The following NAGLU variants were observed in gnomAD, a reference collection of about 807,000 sequenced individuals.
NAGLU encodes the protein N-acetyl-alpha-glucosaminidase, also known as alpha-N-acetylglucosaminidase.
Under a neutral mutation model 43.4 loss-of-function variants are expected in NAGLU, and 34 were observed. The ratio of observed to expected loss-of-function variants is 0.78; its 90% CI spans 0.60 to 1.04. The LOEUF (loss-of-function observed/expected upper bound fraction) is 1.04. NAGLU is among the 50% of genes least tolerant of loss of function. NAGLU has a pLI of 0.00. For missense variants in NAGLU, 910 were observed against 993.7 expected (o/e 0.92, Z 1.13); for synonymous variants, 425 against 437.6 (o/e 0.97, Z 0.36).
intron 1 of NAGLU, 129 bp downstream of exon 1, chr17:42,536,784 G>T (rs968490496): frequency 8.2e-6 from 11 of 1,337,364 alleles, no homozygotes; most frequent in Middle Eastern, 2.8e-4. Context: ...TCCAGCAGCT[G>T]TGTGGCCTTG....
At position 42,538,630 on chromosome 17, in the gene NAGLU, G is replaced by C. The variant is rs767506970; in HGVS notation, c.679-40G>C. 7.4e-6 allele frequency: 12 copies of C among 1,613,086 alleles called. No individual in the cohort carries two copies. In the African/African-American group the frequency reaches 1.3e-4, roughly 18 times the overall value. ...GAGATGAGGGCCTTCTCATAGGACA[G>C]CAGTGGCCATGCTCACCACCCTTCC... On this transcript the variant is annotated intron_variant, in intron 3 of 5. Transcript: ENST00000225927.
Position 42,536,490 on chromosome 17 carries a change from C to A in NAGLU, c.218C>A (p.Ala73Glu). Residue 73 changes from alanine to glutamate, a missense_variant, in exon 1 of 6, where the codon GCG (alanine) becomes GAG (glutamate). Ala to Glu is a moderately radical substitution (Grantham distance 107). Coordinates refer to ENST00000225927, the MANE Select transcript of NAGLU (RefSeq NM_000263.4). ...DTYSLGGGGAARVRVRGSTGV... is the reference protein window; with the variant it reads ...DTYSLGGGGAERVRVRGSTGV... The stretch of plus-strand genomic sequence containing the variant: ...TACAGCCTGGGCGGCGGCGGCGCGG[C>A]GCGCGTGCGGGTGCGCGGCTCCACG... 1 of 1,223,014 alleles carries A rather than the reference C, an allele frequency of 8.2e-7. No homozygotes were observed. The highest frequency in any genetic ancestry group is 1.0e-6 in the Non-Finnish European group (1 of 984,918). The allele number at this position is 1,223,014 out of a possible 1,614,324, so 75.8% of individuals were successfully genotyped here.
In NAGLU at chr17:42,544,002, T is replaced by C. The variant is rs1397893429; in HGVS notation, c.1996T>C (p.Leu666=). ...CTATGCCAACAAGCAGCTGGCGGGG[T>C]TGGTGGCCAACTACTACACCCCTCG... ...LDYANKQLAG[L]VANYYTPRWR... The change falls in exon 6 of 6, where the codon TTG becomes CTG. Residue 666 remains leucine, a synonymous_variant. Transcript: ENST00000225927. 3.7e-6 allele frequency: 6 copies of C among 1,610,218 alleles called. No individual in the cohort carries two copies. The highest frequency in any genetic ancestry group is 5.1e-6 in the Non-Finnish European group (6 of 1,178,420).
At position 42,541,079 on chromosome 17, in the gene NAGLU, G is replaced by A. The variant is rs746626709; in HGVS notation, c.894G>A (p.Glu298=). Residue 298 remains glutamate, a synonymous_variant, in exon 5 of 6, where the codon GAG becomes GAA. Coordinates refer to ENST00000225927, the MANE Select transcript of NAGLU (RefSeq NM_000263.4). ...TCATCGGGAGCCTCTTCCTGCGAGA[G>A]CTGATCAAAGAGTTTGGCACAGACC... ...FPIIGSLFLR[E]LIKEFGTDHI... The A allele has an allele frequency of 5.0e-6, 8 of 1,614,018 alleles. No individual in the cohort carries two copies. The highest frequency in any genetic ancestry group is 1.7e-5 in the Admixed American group (1 of 59,990).
intron 5 of NAGLU, among the ~76,000 whole-genome samples, chr17:42,542,471 T>C (rs2092923839): frequency 6.6e-6 from 1 of 152,044 alleles, no homozygotes; most frequent in African/African-American, 2.4e-5. Flanking sequence ...GTACTGGTAT[T>C]ACAGGCGTGA....
chr17:42,536,948 C>T, intron 1 of NAGLU: 1 of 545,628 alleles, frequency 1.8e-6, no homozygotes, highest in Non-Finnish European at 3.0e-6. Context: ...TTGCCTTCCT[C>T]CCCCACCTTC....
chr17:42,541,823 A>G (rs1259529112), intron 5 of NAGLU, among the ~76,000 whole-genome samples: 1 of 152,118 alleles, frequency 6.6e-6, no homozygotes, highest in Non-Finnish European at 1.5e-5. Flanking sequence ...TGTGACCCAA[A>G]ACCAGCAGCA....
At chr17:42,537,220 C>T (rs2092908783) in intron 1 of NAGLU, 178 bp from the exon 2 acceptor site, 2 of 888,926 alleles carry the variant, frequency 2.2e-6, no homozygotes, top group Admixed American at 4.2e-5. Context: ...GGACGAGTGC[C>T]TCAGAAGCCC....
Position 42,537,506 on chromosome 17 carries a change from G to T in NAGLU, c.492G>T (p.Leu164=). The change falls in exon 2 of 6, where the codon CTG becomes CTT. Residue 164 remains leucine (L), a synonymous_variant. Transcript: ENST00000225927. ...IDWMALNGIN[L]ALAWSGQEAI... The stretch of plus-strand genomic sequence containing the variant: ...GGATGGCGCTGAATGGCATCAACCT[G>T]GCACTGGCCTGGAGCGGCCAGGAGG... The T allele has an allele frequency of 6.2e-7, 1 of 1,614,198 alleles. No homozygotes were observed. The highest frequency in any genetic ancestry group is 1.1e-5 in the South Asian group (1 of 91,082).
At chr17:42,538,576 AC>A (rs2092913399) in intron 3 of NAGLU, 91 bp downstream of exon 3, 1 of 1,612,342 alleles carries the variant, frequency 6.2e-7, no homozygotes, top group Non-Finnish European at 8.5e-7. Context: ...AGGGCTCTTA[AC>A]TGAGGCGGGG....
intron 4 of NAGLU, among the ~76,000 whole-genome samples, chr17:42,540,726 G>A (rs1159817070): frequency 1.3e-5 from 2 of 151,306 alleles, no homozygotes; most frequent in Non-Finnish European, 2.9e-5. Flanking sequence ...AGAAAAAGGA[G>A]CGTTGCTTGT....
chr17:42,543,699 C>T lies in NAGLU; in HGVS notation c.1693C>T (p.Arg565Trp), dbSNP rs104894597. 60 of 1,612,476 alleles carry T rather than the reference C, an allele frequency of 3.7e-5. No individual in the cohort carries two copies. The highest frequency in any genetic ancestry group is 8.9e-5 in the East Asian group (4 of 44,898). The part of the protein sequence containing the change: ...AFRYDLLDLT[R>W]QAVQELVSLY... ...CCGCTACGACCTGCTGGACCTCACT[C>T]GGCAGGCAGTGCAGGAGCTGGTCAG... Residue 565 changes from arginine (R) to tryptophan (W), a missense_variant, in exon 6 of 6, where the codon CGG becomes TGG. Transcript: ENST00000225927.
Position 42,538,445 on chromosome 17 carries a change from C to T in NAGLU, c.638C>T (p.Pro213Leu). The T allele has an allele frequency of 1.9e-6, 3 of 1,614,148 alleles. No individual in the cohort carries two copies. The highest frequency in any genetic ancestry group is 1.1e-5 in the South Asian group (1 of 91,090). Reference sequence around the variant, plus strand: ...GGCAACCTGCACACCTGGGATGGCCCCCTGCCCCCCTCCTGGCACATCAAG... The same window carrying T: ...GGCAACCTGCACACCTGGGATGGCCTCCTGCCCCCCTCCTGGCACATCAAG... ...RMGNLHTWDG[P>L]LPPSWHIKQL... The change falls in exon 3 of 6, where the codon CCC (proline) becomes CTC (leucine). Residue 213 changes from proline to leucine, a missense_variant. Physicochemically the swap from Pro to Leu is moderately conservative, Grantham distance 98. Coordinates refer to ENST00000225927, the MANE Select transcript of NAGLU (RefSeq NM_000263.4).
chr17:42,541,154 G>A lies in NAGLU; in HGVS notation c.969G>A (p.Glu323=), dbSNP rs1474272372. ...TFNEMQPPSS[E]PSYLAAATTA... Reference sequence around the variant, plus strand: ...ATGAGATGCAGCCACCTTCCTCAGAGCCCTCCTACCTTGCCGCAGCCACCA... The same window carrying A: ...ATGAGATGCAGCCACCTTCCTCAGAACCCTCCTACCTTGCCGCAGCCACCA... The change falls in exon 5 of 6, where the codon GAG becomes GAA. Residue 323 remains glutamate (E), a synonymous_variant. Transcript: ENST00000225927. 1.9e-6 allele frequency: 3 copies of A among 1,613,764 alleles called. No individual in the cohort carries two copies. The highest frequency in any genetic ancestry group is 2.5e-6 in the Non-Finnish European group (3 of 1,180,028).
At position 42,536,425 on chromosome 17, in the gene NAGLU, G is replaced by C. The variant is rs2143076082; in HGVS notation, c.153G>C (p.Ser51=). The C allele has an allele frequency of 8.0e-7, 1 of 1,251,584 alleles. No homozygotes were observed. Among genetic ancestry groups the C allele is most frequent in the East Asian group, 4.0e-5 (1 of 24,736 alleles). The allele number at this position is 1,251,584 out of a possible 1,614,324, so 77.5% of individuals were successfully genotyped here. The change falls in exon 1 of 6, where the codon TCG becomes TCC. Residue 51 remains serine, a synonymous_variant. Transcript: ENST00000225927. ...GPGPAADFSV[S]VERALAAKPG... is the part of the protein sequence containing the mutation. ...GCCCCGCGGCCGACTTCTCCGTGTC[G>C]GTGGAGCGCGCTCTGGCTGCCAAGC... is the stretch of plus-strand genomic sequence containing the variant.
At position 42,537,450 on chromosome 17, in the gene NAGLU, G is replaced by A. The variant is rs907257030; in HGVS notation, c.436G>A (p.Asp146Asn). ...CTQSYSFVWW[D>N]WARWEREIDW... ...GCAAAGCTACTCTTTCGTGTGGTGG[G>A]ACTGGGCCCGCTGGGAGCGAGAGAT... Residue 146 changes from aspartate to asparagine, a missense_variant, in exon 2 of 6, where the codon GAC (aspartate) becomes AAC (asparagine). Transcript: ENST00000225927. 6.2e-7 allele frequency: 1 copy of A among 1,614,138 alleles called. No individual in the cohort carries two copies. The highest frequency in any genetic ancestry group is 8.5e-7 in the Non-Finnish European group (1 of 1,180,042).
Position 42,543,827 on chromosome 17 carries a change from C to G in NAGLU, c.1821C>G (p.Asp607Glu). The G allele has an allele frequency of 6.2e-7, 1 of 1,602,604 alleles. No individual in the cohort carries two copies. ...VLAYELLPAL[D>E]EVLASDSRFL... The stretch of plus-strand genomic sequence containing the variant: ...CCTATGAGCTGCTGCCGGCACTGGA[C>G]GAGGTGCTGGCTAGTGACAGCCGCT... The change falls in exon 6 of 6, where the codon GAC (aspartate) becomes GAG (glutamate). Residue 607 changes from aspartate (D) to glutamate (E), a missense_variant. Physicochemically the swap from Asp to Glu is conservative, Grantham distance 45. Coordinates refer to ENST00000225927, the MANE Select transcript of NAGLU (RefSeq NM_000263.4).
intron 2 of NAGLU, among the ~76,000 whole-genome samples, chr17:42,538,007 A>G (rs1181010455): frequency 1.3e-5 from 2 of 152,004 alleles, no homozygotes; most frequent in African/African-American, 2.4e-5. Context: ...CTGTGCTGCA[A>G]TGGCTGCTCC....
At chr17:42,542,772 G>T (rs1002561522) in intron 5 of NAGLU, among the ~76,000 whole-genome samples, 9 of 152,254 alleles carry the variant, frequency 5.9e-5, no homozygotes, top group Non-Finnish European at 1.3e-4. Context: ...GGGATTATAG[G>T]TGTGGGCCAC....
Sources: allele counts gnomAD v4.1 joint callset (sites outside exome capture counted in the v4.1 genomes callset), GRCh38; gene constraint gnomAD v4.1.1; transcripts MANE v1.5; gene names NCBI Gene and HGNC (gene_info 2026-07-23, HGNC 2026-07-21).